Variants in CPM observed in about 807,000 individuals in gnomAD.
The protein encoded by CPM is carboxypeptidase M.
In CPM, 35 loss-of-function variants were observed where a neutral mutation model predicts 46.4. The ratio of observed to expected loss-of-function variants is 0.75; its 90% CI spans 0.58 to 1.00. The LOEUF (loss-of-function observed/expected upper bound fraction) is 1.00, where lower values mean the gene tolerates loss of function less well. Among genes scored for constraint, CPM ranks in the 50% least tolerant of loss-of-function variants. CPM has a pLI of 0.00. For synonymous variants in CPM, 195 were observed against 195.3 expected, an observed-to-expected ratio of 1.00 and a Z score of 0.01; for missense variants, 422 against 530.4, an observed-to-expected ratio of 0.80 and a Z score of 2.01.
At chr12:68,904,796 G>C (rs898186005) in intron 2 of CPM, among the ~76,000 whole-genome samples, 1 of 152,184 alleles carries the variant, frequency 6.6e-6, no homozygotes, top group Non-Finnish European at 1.5e-5. Context: ...AAGAGAGAGA[G>C]GAGGATCCTC....
At chr12:68,849,860 G>A (rs111861173), downstream of CPM, 4,063 of 152,442 alleles carry the variant, frequency 0.027, 75 homozygotes, top group Non-Finnish European at 0.042. Flanking sequence ...TGATCCAGTC[G>A]CCTCGGCCTC....
intron 3 of CPM, among the ~76,000 whole-genome samples, chr12:68,877,106 C>T (rs1295427979): frequency 6.6e-6 from 1 of 152,124 alleles, no homozygotes; most frequent in African/African-American, 2.4e-5. Flanking sequence ...AAATATCAGC[C>T]TAAACATGAC....
At chr12:68,866,401 T>G (rs552578939) in intron 7 of CPM, among the ~76,000 whole-genome samples, 147 of 152,330 alleles carry the variant, frequency 9.7e-4, no homozygotes, top group African/African-American at 3.4e-3. Context: ...TGGCACCATC[T>G]TGGCTCCTTG....
At chr12:68,929,890 C>A (rs1433180385) in intron 2 of CPM, among the ~76,000 whole-genome samples, 1 of 151,940 alleles carries the variant, frequency 6.6e-6, no homozygotes, top group African/African-American at 2.4e-5. Flanking sequence ...ATATAATCCA[C>A]AATTACAACA....
In CPM at chr12:68,938,321, GA is replaced by G. The variant is rs557482163; in HGVS notation, c.-3-5482del. Among the ~76,000 whole-genome samples the G allele has an allele frequency of 4.0e-4, 61 of 152,024 alleles. No individual in the cohort carries two copies. In the South Asian group the frequency reaches 5.8e-3, roughly 14 times the overall value. ...GGAGGCTGGGGCAGGAGGATTGCTTGACCCCAGGGGTTTGAGGTTGCAGTGA... is the reference window on the plus strand; with the variant it reads ...GGAGGCTGGGGCAGGAGGATTGCTTGCCCCAGGGGTTTGAGGTTGCAGTGA... On this transcript the variant is annotated intron_variant, in intron 1 of 8. Coordinates refer to the CPM transcript ENST00000546373.
At chr12:68,960,141 A>G (rs895175426) in intron 1 of CPM, among the ~76,000 whole-genome samples, 11 of 152,228 alleles carry the variant, frequency 7.2e-5, no homozygotes. Flanking sequence ...TAAAACTGGA[A>G]AAAAGGAATC....
intron 2 of CPM, among the ~76,000 whole-genome samples, chr12:68,891,804 G>A (rs983294665): frequency 6.6e-5 from 10 of 151,938 alleles, no homozygotes; most frequent in African/African-American, 1.7e-4. Flanking sequence ...TAGAGTAATC[G>A]CGGCTCACTG....
intron 5 of CPM, chr12:68,843,295 T>TGA (rs138844063): frequency 4.1e-3 from 900 of 217,446 alleles, no homozygotes; most frequent in Non-Finnish European, 5.7e-3. Context: ...GGCCATTTAT[T>TGA]GAGAGAGAGA....
Position 68,929,484 on chromosome 12 carries a change from C to T in CPM, c.160+3194G>A, listed in dbSNP as rs180850665. 4.2e-3 allele frequency among the ~76,000 whole-genome samples: 636 copies of T among 152,208 alleles called. 8 individuals carry two copies. The highest frequency in any genetic ancestry group is 4.5e-3 in the Non-Finnish European group (307 of 68,002). On this transcript the variant is annotated intron_variant, in intron 2 of 8. Coordinates refer to ENST00000551568, the MANE Select transcript of CPM (RefSeq NM_198320.5). ...GAACTAAGTCATCAGTACTTTTTTG[C>T]TTCTCTTGTTTCACCTAAGATTTTC...
At chr12:68,934,218 T>A (rs990766706), upstream of CPM, among the ~76,000 whole-genome samples, 1 of 152,150 alleles carries the variant, frequency 6.6e-6, no homozygotes, top group African/African-American at 2.4e-5. Context: ...ATAAAAAGTT[T>A]GAAAACCACT....
intron 1 of CPM, among the ~76,000 whole-genome samples, chr12:68,954,406 C>T (rs1160459480): frequency 6.6e-6 from 1 of 152,118 alleles, no homozygotes; most frequent in Non-Finnish European, 1.5e-5. Context: ...CAGTACTGGG[C>T]ATAGTTTACA....
At chr12:68,945,874 A>G (rs1447720092) in intron 1 of CPM, among the ~76,000 whole-genome samples, 1 of 104,424 alleles carries the variant, frequency 9.6e-6, no homozygotes. Context: ...TTTTTTTGAG[A>G]CAGTGTCTCA....
At chr12:68,921,555 G>A (rs1888044523) in intron 2 of CPM, among the ~76,000 whole-genome samples, 1 of 152,028 alleles carries the variant, frequency 6.6e-6, no homozygotes, top group Non-Finnish European at 1.5e-5. Context: ...GCAAGGGGTG[G>A]GGGTAGACCC....
intron 2 of CPM, among the ~76,000 whole-genome samples, chr12:68,899,509 C>T (rs1246959133): frequency 1.3e-5 from 2 of 151,446 alleles, no homozygotes; most frequent in Non-Finnish European, 2.9e-5. Context: ...TGTTAATGAG[C>T]CTGGAAAGCA....
intron 2 of CPM, among the ~76,000 whole-genome samples, chr12:68,903,735 T>A (rs1887212993): frequency 6.6e-6 from 1 of 152,098 alleles, no homozygotes. Context: ...GTGGGCCAGG[T>A]GCCATATTCA....
chr12:68,950,168 A>G (rs1314435551), intron 1 of CPM, among the ~76,000 whole-genome samples: 1 of 152,170 alleles, frequency 6.6e-6, no homozygotes, highest in East Asian at 1.9e-4. Flanking sequence ...TTCTAAAAGA[A>G]GGTGAATAAC....
chr12:68,881,547 G>A (rs1166786756), intron 3 of CPM, among the ~76,000 whole-genome samples: 1 of 139,096 alleles, frequency 7.2e-6, no homozygotes, highest in Middle Eastern at 3.5e-3. Context: ...AAGGTAGCTA[G>A]TATTTACTTA....
chr12:68,930,573 G>A (rs545211056), intron 2 of CPM, among the ~76,000 whole-genome samples: 1 of 152,324 alleles, frequency 6.6e-6, no homozygotes, highest in East Asian at 1.9e-4. Flanking sequence ...CCAAATGGCA[G>A]ATTTGGGATT....
chr12:68,946,153 C>T (rs1189810974), intron 1 of CPM, among the ~76,000 whole-genome samples: 1 of 152,060 alleles, frequency 6.6e-6, no homozygotes, highest in Non-Finnish European at 1.5e-5. Context: ...AGCCACTGTG[C>T]CCAGCCAAGG....
Sources: gnomAD v4.1 joint callset for allele counts (sites outside exome capture counted in the v4.1 genomes callset) on GRCh38, gnomAD v4.1.1 for gene constraint, MANE v1.5 for transcripts, NCBI Gene and HGNC (gene_info 2026-07-23, HGNC 2026-07-21) for gene names.